KAZN: variants seen among roughly 807,000 people sequenced by gnomAD.
The protein encoded by KAZN is kazrin, periplakin interacting protein, also known as kazrin.
In KAZN, 40 loss-of-function variants were observed where a neutral mutation model predicts 87.4. The observed-to-expected ratio is 0.46, with a 90% CI of 0.36 to 0.60. The LOEUF is 0.60. KAZN is among the 20% of genes least tolerant of loss of function. KAZN has a pLI of 0.00. For missense variants in KAZN, 898 were observed against 1,073.9 expected, an observed-to-expected ratio of 0.84 and a Z score of 2.29; for synonymous variants, 466 against 458.3, an observed-to-expected ratio of 1.02 and a Z score of -0.22.
At chr1:14,612,707 G>C (rs571841833) in intron 1 of KAZN, among the ~76,000 whole-genome samples, 3 of 152,262 alleles carry the variant, frequency 2.0e-5, no homozygotes, top group African/African-American at 7.2e-5. Context: ...TCTGTCCTGT[G>C]CATTTTAGGA....
At chr1:14,631,649 A>C (rs1319527479) in intron 1 of KAZN, among the ~76,000 whole-genome samples, 5 of 152,222 alleles carry the variant, frequency 3.3e-5, no homozygotes, top group Non-Finnish European at 7.3e-5. Flanking sequence ...TAGATTATGC[A>C]CGTTGCAGCT....
At chr1:15,064,511 G>A (rs761546485) in intron 7 of KAZN, among the ~76,000 whole-genome samples, 2 of 152,222 alleles carry the variant, frequency 1.3e-5, no homozygotes, top group Non-Finnish European at 2.9e-5. Flanking sequence ...CCACCCAGAT[G>A]CCGGTAGTGT....
At chr1:14,227,462 G>A (rs1647393950) in intron 2 of KAZN, among the ~76,000 whole-genome samples, 1 of 152,152 alleles carries the variant, frequency 6.6e-6, no homozygotes, top group Non-Finnish European at 1.5e-5. Flanking sequence ...TGGCTGGAGG[G>A]TTGCAGACAG....
At chr1:15,016,980 A>C (rs1670175976) in intron 2 of KAZN, among the ~76,000 whole-genome samples, 1 of 151,820 alleles carries the variant, frequency 6.6e-6, no homozygotes, top group Non-Finnish European at 1.5e-5. Flanking sequence ...CCTTGCTCCA[A>C]CATAGTATCC....
chr1:14,469,096 T>A (rs1238968267), intron 2 of KAZN, among the ~76,000 whole-genome samples: 3 of 152,192 alleles, frequency 2.0e-5, no homozygotes, highest in Non-Finnish European at 4.4e-5. Context: ...GCTTCTCTCA[T>A]TTCTGGTGGA....
intron 1 of KAZN, among the ~76,000 whole-genome samples, chr1:14,169,067 A>G (rs1243048942): frequency 6.6e-6 from 1 of 152,202 alleles, no homozygotes; most frequent in East Asian, 1.9e-4. Flanking sequence ...TAAGTAGTAG[A>G]AAGACATCAG....
At chr1:14,506,386 A>G (rs907376317) in intron 2 of KAZN, among the ~76,000 whole-genome samples, 1 of 152,190 alleles carries the variant, frequency 6.6e-6, no homozygotes, top group East Asian at 1.9e-4. Flanking sequence ...TGCTATTACT[A>G]TACATCACAT....
chr1:13,980,753 A>G (rs1028792932), intron 1 of KAZN, among the ~76,000 whole-genome samples: 25 of 152,154 alleles, frequency 1.6e-4, no homozygotes, highest in African/African-American at 6.0e-4. Flanking sequence ...ATGTGGTTGT[A>G]GTCAGACAGC....
chr1:14,788,952 C>T (rs1205466876), intron 1 of KAZN, among the ~76,000 whole-genome samples: 1 of 152,170 alleles, frequency 6.6e-6, no homozygotes, highest in Admixed American at 6.5e-5. Flanking sequence ...AACGCAGTTA[C>T]CTTTACCTGG....
intron 2 of KAZN, among the ~76,000 whole-genome samples, chr1:14,230,570 C>T (rs1647723291): frequency 6.6e-6 from 1 of 152,068 alleles, no homozygotes; most frequent in Non-Finnish European, 1.5e-5. Context: ...TATATTTTTC[C>T]TCTATAGCTT....
intron 2 of KAZN, among the ~76,000 whole-genome samples, chr1:14,341,044 T>A (rs1002893554): frequency 4.7e-5 from 7 of 148,444 alleles, no homozygotes; most frequent in African/African-American, 1.5e-4. Context: ...TGCGCCACCA[T>A]GCCCAGCTAA....
At chr1:14,985,491 C>T (rs1161617914) in intron 2 of KAZN, among the ~76,000 whole-genome samples, 1 of 151,802 alleles carries the variant, frequency 6.6e-6, no homozygotes, top group East Asian at 1.9e-4. Context: ...GATCATGCCA[C>T]TGCACTCCAG....
At chr1:15,017,289 T>C (rs1016816196) in intron 2 of KAZN, among the ~76,000 whole-genome samples, 1 of 151,806 alleles carries the variant, frequency 6.6e-6, no homozygotes, top group Non-Finnish European at 1.5e-5. Context: ...CAGAGCGAGA[T>C]TCAGTCTCAA....
chr1:14,387,971 G>A (rs1360315001), intron 2 of KAZN, among the ~76,000 whole-genome samples: 3 of 152,306 alleles, frequency 2.0e-5, no homozygotes, highest in South Asian at 4.1e-4. Context: ...GCGAGACTCC[G>A]TGGGCGTAGG....
chr1:14,732,084 C>T (rs1643701179), intron 1 of KAZN, among the ~76,000 whole-genome samples: 1 of 152,240 alleles, frequency 6.6e-6, no homozygotes, highest in South Asian at 2.1e-4. Context: ...AACACAGCGA[C>T]ACCTGTCGGA....
intron 1 of KAZN, among the ~76,000 whole-genome samples, chr1:14,762,000 C>T (rs1407568519): frequency 1.3e-5 from 2 of 151,692 alleles, no homozygotes; most frequent in Non-Finnish European, 2.9e-5. Flanking sequence ...TGCAGCAAGG[C>T]AAACCTCTTC....
intron 1 of KAZN, among the ~76,000 whole-genome samples, chr1:14,080,267 T>C (rs184456604): frequency 1.7e-3 from 238 of 138,046 alleles, no homozygotes; most frequent in African/African-American, 6.1e-3. Context: ...CCTTCTCATA[T>C]AACTAATCTT....
rs192979959 is a variant in KAZN, at chr1:14,859,123, C to T, written c.227-101561C>T. ...TCAGGAGGCTGAGGCAGGAGAATGGCGTGAACCTGGGAGGTGGAGTTTGCA... is the reference window on the plus strand; with the variant it reads ...TCAGGAGGCTGAGGCAGGAGAATGGTGTGAACCTGGGAGGTGGAGTTTGCA... On this transcript the variant is annotated intron_variant, in intron 1 of 14. Coordinates refer to ENST00000376030, the MANE Select transcript of KAZN (RefSeq NM_201628.3). Among the ~76,000 whole-genome samples the T allele has an allele frequency of 2.0e-3, 306 of 151,468 alleles. 1 individual carries two copies. Among genetic ancestry groups the T allele is most frequent in the African/African-American group, 7.1e-3 (293 of 41,222 alleles).
intron 2 of KAZN, among the ~76,000 whole-genome samples, chr1:14,575,683 G>A (rs1391504656): frequency 6.6e-6 from 1 of 152,148 alleles, no homozygotes; most frequent in Non-Finnish European, 1.5e-5. Context: ...TTAAATGGAG[G>A]AGGAGACACA....
Sources: allele counts gnomAD v4.1 joint callset (sites outside exome capture counted in the v4.1 genomes callset), GRCh38; gene constraint gnomAD v4.1.1; transcripts MANE v1.5; gene names NCBI Gene and HGNC (gene_info 2026-07-23, HGNC 2026-07-21).